BMP7: variants seen among roughly 807,000 people sequenced by gnomAD.
BMP7 encodes bone morphogenetic protein 7, also known as osteogenic protein 1.
A neutral mutation model predicts 41.2 loss-of-function variants in BMP7; 12 were observed. The observed-to-expected ratio is 0.29, with a 90% confidence interval of 0.19 to 0.47. The LOEUF is 0.47. BMP7 is among the 20% of genes least tolerant of loss of function. The pLI is 0.99. For missense variants in BMP7, 467 were observed against 606.0 expected, an observed-to-expected ratio of 0.77 and a Z score of 2.41; for synonymous variants, 248 against 250.0, an observed-to-expected ratio of 0.99 and a Z score of 0.07.
intron 3 of BMP7, among the ~76,000 whole-genome samples, chr20:57,194,436 GAACGC>G (rs1446755010): frequency 6.6e-6 from 1 of 152,098 alleles, no homozygotes; most frequent in Non-Finnish European, 1.5e-5. Context: ...AGGCAAAAAC[GAACGC>G]CTGACGCTCA....
chr20:57,222,285 G>T (rs917347940), intron 2 of BMP7, among the ~76,000 whole-genome samples: 1 of 151,860 alleles, frequency 6.6e-6, no homozygotes, highest in Admixed American at 6.6e-5. Context: ...GAAATAACAG[G>T]GACAGAGATA....
At chr20:57,264,517 A>G (rs1355377077) in intron 1 of BMP7, among the ~76,000 whole-genome samples, 1 of 152,252 alleles carries the variant, frequency 6.6e-6, no homozygotes, top group East Asian at 1.9e-4. Context: ...GCGCGCACAT[A>G]TGGAGGGGGA....
intron 3 of BMP7, 85 bp from the exon 4 acceptor site, chr20:57,184,004 C>T (rs547346979): frequency 4.3e-5 from 63 of 1,455,480 alleles, no homozygotes; most frequent in South Asian, 3.2e-4. Flanking sequence ...CTATGCCTCC[C>T]GGTTCATTCA....
intron 1 of BMP7, among the ~76,000 whole-genome samples, chr20:57,255,200 G>A (rs993883512): frequency 6.6e-6 from 1 of 152,172 alleles, no homozygotes; most frequent in African/African-American, 2.4e-5. Flanking sequence ...AGGAAAGAAT[G>A]GGCAGCTCTG....
chr20:57,257,824 CAAAAAAA>C (rs139904463), intron 1 of BMP7, among the ~76,000 whole-genome samples: 1 of 103,268 alleles, frequency 9.7e-6, no homozygotes, highest in Non-Finnish European at 2.0e-5. Flanking sequence ...CACAAGCCAC[CAAAAAAA>C]AAAAAAAAAA....
At chr20:57,244,164 T>G (rs1398196013) in intron 1 of BMP7, 1 of 152,236 alleles carries the variant, frequency 6.6e-6, no homozygotes, top group Non-Finnish European at 1.5e-5. Context: ...ACTTCCAGCA[T>G]GTCTAAGGTG....
chr20:57,225,869 C>A (rs1328483349), intron 2 of BMP7: 1 of 471,330 alleles, frequency 2.1e-6, no homozygotes, highest in Non-Finnish European at 4.4e-6. Context: ...CATGTCCTCT[C>A]CTCTGCTGGA....
intron 1 of BMP7, among the ~76,000 whole-genome samples, chr20:57,238,575 C>T (rs536558567): frequency 2.6e-5 from 4 of 152,088 alleles, no homozygotes; most frequent in Admixed American, 6.5e-5. Flanking sequence ...CGCCGGCAGT[C>T]GGGAAGGGTT....
intron 3 of BMP7, among the ~76,000 whole-genome samples, chr20:57,202,097 G>A (rs113067280): frequency 1.0e-3 from 155 of 152,298 alleles, no homozygotes; most frequent in African/African-American, 3.5e-3. Flanking sequence ...TGCCGTGCAC[G>A]GAACAGTCCA....
intron 2 of BMP7, among the ~76,000 whole-genome samples, chr20:57,217,479 C>G (rs1188400469): frequency 6.6e-6 from 1 of 152,210 alleles, no homozygotes; most frequent in African/African-American, 2.4e-5. Flanking sequence ...GGACTCCAGT[C>G]TGGGGACCCC....
At chr20:57,226,509 G>A (rs971801911) in intron 2 of BMP7, among the ~76,000 whole-genome samples, 12 of 152,210 alleles carry the variant, frequency 7.9e-5, no homozygotes, top group Non-Finnish European at 7.3e-5. Context: ...AGGAGCCAGC[G>A]TGCACACGTG....
intron 2 of BMP7, among the ~76,000 whole-genome samples, chr20:57,209,069 A>G (rs1984810024): frequency 6.6e-6 from 1 of 151,872 alleles, no homozygotes; most frequent in Admixed American, 6.6e-5. Flanking sequence ...CTATAATCCC[A>G]GCACTTTGGG....
In BMP7 at chr20:57,203,023, C is replaced by T. The variant is rs536900308; in HGVS notation, c.612-400G>A. On this transcript the variant is annotated intron_variant, in intron 2 of 6. Coordinates refer to ENST00000395863, the MANE Select transcript of BMP7 (RefSeq NM_001719.3). ...GCCAGATACTGTCCCACGGGCTCAA[C>T]ACTACACTATCTCATTCAATTCCCA... Among the ~76,000 whole-genome samples, 4 of 152,240 alleles carry T rather than the reference C, an allele frequency of 2.6e-5. No homozygotes were observed. In the East Asian group the frequency reaches 7.7e-4, roughly 29 times the overall value.
chr20:57,193,107 T>C (rs912911599), intron 3 of BMP7, among the ~76,000 whole-genome samples: 1 of 152,116 alleles, frequency 6.6e-6, no homozygotes, highest in Non-Finnish European at 1.5e-5. Flanking sequence ...CTTTTGGAAG[T>C]CTTAGTTTTT....
intron 1 of BMP7, among the ~76,000 whole-genome samples, chr20:57,236,945 C>T (rs563355705): frequency 1.9e-4 from 29 of 152,316 alleles, no homozygotes; most frequent in African/African-American, 6.7e-4. Flanking sequence ...CCCAGCAGCT[C>T]CTTCCAAAAC....
At chr20:57,190,350 G>T (rs1386899435) in intron 3 of BMP7, among the ~76,000 whole-genome samples, 4 of 150,934 alleles carry the variant, frequency 2.7e-5, no homozygotes, top group Non-Finnish European at 5.9e-5. Context: ...CAGTGAGCGA[G>T]GAACCAGAGG....
chr20:57,229,094 T>C (rs1177904533), intron 1 of BMP7, among the ~76,000 whole-genome samples: 1 of 152,200 alleles, frequency 6.6e-6, no homozygotes, highest in Non-Finnish European at 1.5e-5. Flanking sequence ...CTCAGGGACC[T>C]GATCTGAAGC....
intron 1 of BMP7, among the ~76,000 whole-genome samples, chr20:57,241,149 C>CT (rs1415816663): frequency 2.0e-5 from 3 of 152,160 alleles, no homozygotes; most frequent in African/African-American, 7.2e-5. Flanking sequence ...TTTAAAGGCC[C>CT]GTACTCTTCC....
At chr20:57,242,366 C>T (rs1420929585) in intron 1 of BMP7, among the ~76,000 whole-genome samples, 2 of 152,188 alleles carry the variant, frequency 1.3e-5, no homozygotes, top group Non-Finnish European at 2.9e-5. Context: ...AGGCAGAGCT[C>T]AAGAGGGTCA....
Sources: allele counts gnomAD v4.1 joint callset (sites outside exome capture counted in the v4.1 genomes callset), GRCh38; gene constraint gnomAD v4.1.1; transcripts MANE v1.5; gene names NCBI Gene and HGNC (gene_info 2026-07-23, HGNC 2026-07-21).